ST3GAL4: variants seen among roughly 807,000 people sequenced by gnomAD.
ST3GAL4 encodes the protein CMP-N-acetylneuraminate-beta-galactosamide-alpha-2,3-sialyltransferase 4.
In ST3GAL4, 24 loss-of-function variants were observed where a neutral mutation model predicts 42.6. The observed-to-expected ratio is 0.56, with a 90% confidence interval of 0.41 to 0.79. The LOEUF (loss-of-function observed/expected upper bound fraction) is 0.79, where lower values mean the gene tolerates loss of function less well. ST3GAL4 is among the 30% of genes least tolerant of loss of function. The pLI is 0.00. For missense variants in ST3GAL4, 311 were observed against 430.8 expected (o/e 0.72, Z 2.46); for synonymous variants, 135 against 163.2 (o/e 0.83, Z 1.32).
intron 1 of ST3GAL4, among the ~76,000 whole-genome samples, chr11:126,371,555 C>G (rs552885290): frequency 2.1e-4 from 32 of 152,214 alleles, no homozygotes; most frequent in Non-Finnish European, 4.4e-4. Flanking sequence ...ATTTGCAACA[C>G]TTTAAAAAGT....
intron 1 of ST3GAL4, among the ~76,000 whole-genome samples, chr11:126,371,906 A>G (rs1952666050): frequency 6.6e-6 from 1 of 152,206 alleles, no homozygotes; most frequent in Non-Finnish European, 1.5e-5. Flanking sequence ...GTGAGAAACT[A>G]TATTTGGTTT....
chr11:126,371,163 C>CTTATTTTTTTTTTTTTTTTTTTTTTTT lies in ST3GAL4; in HGVS notation c.-61+15323_-61+15324insATTTTTTTTTTTTTTTTTTTTTTTTTT, dbSNP rs1555082244. ...ATCTATTCTATTCTTCCCCACATTC[C>CTTATTTTTTTTTTTTTTTTTTTTTTTT]TTTTTTTTTTTTTTTTTTTGAGATG... On this transcript the variant is annotated intron_variant, in intron 1 of 10. Transcript: ENST00000444328. Among the ~76,000 whole-genome samples the CTTATTTTTTTTTTTTTTTTTTTTTTTT allele has an allele frequency of 3.3e-4, 20 of 59,966 alleles. 2 individuals carry two copies. The highest frequency in any genetic ancestry group is 4.9e-4 in the Non-Finnish European group (16 of 32,966). The allele number at this position is 59,966 out of a possible 152,430, so 39.3% of individuals were successfully genotyped here.
rs562437344 is a variant in ST3GAL4, at chr11:126,396,602, C to T, written c.-60-9494C>T. ...GCTCTTCGTCACTGTGCGGAGCCTT[C>T]GAAGGACTTGGATGTGCTTGAGACC... On this transcript the variant is annotated intron_variant, in intron 1 of 10. Transcript: ENST00000444328. This position sits in a 1 kb window ranked among gnomAD's most constrained non-coding sequence, Gnocchi z 5.8. Among the ~76,000 whole-genome samples the T allele has an allele frequency of 1.1e-4, 17 of 151,864 alleles. No homozygotes were observed. Among genetic ancestry groups the T allele is most frequent in the Admixed American group, 5.2e-4 (8 of 15,284 alleles).
chr11:126,387,926 G>A (rs1206320434), intron 1 of ST3GAL4, among the ~76,000 whole-genome samples: 1 of 152,208 alleles, frequency 6.6e-6, no homozygotes, highest in Non-Finnish European at 1.5e-5. Flanking sequence ...TGGATACTAT[G>A]TTTTGGAGAT....
intron 1 of ST3GAL4, among the ~76,000 whole-genome samples, chr11:126,372,104 T>C (rs936812889): frequency 6.6e-6 from 1 of 152,222 alleles, no homozygotes; most frequent in African/African-American, 2.4e-5. Flanking sequence ...TTTTTATGTG[T>C]ATAGTTCAGT....
chr11:126,370,565 CTTTTAAG>C (rs773825805), intron 1 of ST3GAL4, among the ~76,000 whole-genome samples: 38 of 152,200 alleles, frequency 2.5e-4, no homozygotes, highest in Non-Finnish European at 4.1e-4. Flanking sequence ...GTTTTTTACT[CTTTTAAG>C]TATGAGCTTG....
Position 126,409,529 on chromosome 11 carries a change from T to C in ST3GAL4, c.771+118T>C. On this transcript the variant is annotated intron_variant, in intron 9 of 10. Coordinates refer to ENST00000444328, the MANE Select transcript of ST3GAL4 (RefSeq NM_001254757.2). The surrounding 1 kb of genome is among the most constrained non-coding windows in gnomAD (Gnocchi z 4.9). ...ATAACAGAGGCGGCGGTTTGCATTT[T>C]CCCTCCAGGAACACACCTGTCATTA... is the stretch of plus-strand genomic sequence containing the variant. 7.2e-7 allele frequency: 1 copy of C among 1,395,316 alleles called. No individual in the cohort carries two copies. The highest frequency in any genetic ancestry group is 1.3e-5 in the South Asian group (1 of 78,224). 86.4% of individuals were successfully genotyped at this position (1,395,316 alleles called of 1,614,324 possible).
intron 1 of ST3GAL4, among the ~76,000 whole-genome samples, chr11:126,390,358 TAATA>T (rs1342114348): frequency 6.7e-6 from 1 of 150,304 alleles, no homozygotes; most frequent in African/African-American, 2.4e-5. Flanking sequence ...CAGCACTGCC[TAATA>T]AATATCCTGG....
At chr11:126,395,164 C>T (rs1187843708) in intron 1 of ST3GAL4, among the ~76,000 whole-genome samples, 1 of 152,186 alleles carries the variant, frequency 6.6e-6, no homozygotes, top group Non-Finnish European at 1.5e-5. Flanking sequence ...CCACTCTGTT[C>T]CACCTGCACT....
In ST3GAL4 at chr11:126,355,873, CGCGGGGCGGG is replaced by C. The variant is rs571031186; in HGVS notation, c.-61+43_-61+52del. The stretch of plus-strand genomic sequence containing the variant: ...TACGCGGCGGCGGTGCGCGGGGGCC[CGCGGGGCGGG>C]GCGGGGCGGGGAGCCGCGGGGTCCT... On this transcript the variant is annotated intron_variant, in intron 1 of 10. Transcript: ENST00000444328. The surrounding 1 kb of genome is among the most constrained non-coding windows in gnomAD (Gnocchi z 7.1). 8.7e-5 allele frequency: 13 copies of C among 148,956 alleles called. No individual in the cohort carries two copies. The highest frequency in any genetic ancestry group is 2.1e-4 in the South Asian group (1 of 4,840). The allele number at this position is 148,956 out of a possible 1,614,324, so 9.2% of individuals were successfully genotyped here.
rs1450582368 is a variant in ST3GAL4, at chr11:126,411,749, C to G, written c.772-1756C>G. On this transcript the variant is annotated intron_variant, in intron 9 of 10. Coordinates refer to ENST00000444328, the MANE Select transcript of ST3GAL4 (RefSeq NM_001254757.2). This position sits in a 1 kb window ranked among gnomAD's most constrained non-coding sequence, Gnocchi z 6.3. ...GGCCACGCTCAGCTCTTGGAGGTGG[C>G]CCACATTTCTTGACCGTACAGCCTC... Among the ~76,000 whole-genome samples, 3 of 152,086 alleles carry G rather than the reference C, an allele frequency of 2.0e-5. No individual in the cohort carries two copies. The highest frequency in any genetic ancestry group is 7.2e-5 in the African/African-American group (3 of 41,408).
At chr11:126,395,722 T>A (rs933604801) in intron 1 of ST3GAL4, among the ~76,000 whole-genome samples, 2 of 152,232 alleles carry the variant, frequency 1.3e-5, no homozygotes, top group South Asian at 4.1e-4. Flanking sequence ...CTTTCTTGCC[T>A]GCTGCCATGT....
chr11:126,383,266 G>A lies in ST3GAL4; in HGVS notation c.-60-22830G>A, dbSNP rs966089532. ...CGAGGAGCCCAGGATTCCCCTTTCC[G>A]TGACTTTGGAGGAACGAGGTTCCTG... On this transcript the variant is annotated intron_variant, in intron 1 of 10. Transcript: ENST00000444328. The surrounding 1 kb of genome is among the most constrained non-coding windows in gnomAD (Gnocchi z 4.5). Among the ~76,000 whole-genome samples the A allele has an allele frequency of 1.7e-4, 26 of 152,302 alleles. No homozygotes were observed. Among genetic ancestry groups the A allele is most frequent in the East Asian group, 1.9e-4 (1 of 5,176 alleles).
chr11:126,407,611 C>T lies in ST3GAL4; in HGVS notation c.318C>T (p.Ser106=), dbSNP rs746304123. 2 of 1,614,172 alleles carry T rather than the reference C, an allele frequency of 1.2e-6. No individual in the cohort carries two copies. Among genetic ancestry groups the T allele is most frequent in the East Asian group, 2.2e-5 (1 of 44,872 alleles). ...TCCGGGTGCTAGCCATCACCAGCTC[C>T]TCCATCCCCAAGAACATCCAGAGGT... The part of the protein sequence containing the change: ...LLLRVLAITS[S]SIPKNIQSLR... The change falls in exon 6 of 11, where the codon TCC becomes TCT. Residue 106 remains serine (S), a synonymous_variant. Coordinates refer to ENST00000444328, the MANE Select transcript of ST3GAL4 (RefSeq NM_001254757.2).
chr11:126,406,704 T>A lies in ST3GAL4; in HGVS notation c.101+147T>A. 1 of 1,189,682 alleles carries A rather than the reference T, an allele frequency of 8.4e-7. No individual in the cohort carries two copies. Among genetic ancestry groups the A allele is most frequent in the Non-Finnish European group, 1.2e-6 (1 of 848,164 alleles). 73.7% of individuals were successfully genotyped at this position (1,189,682 alleles called of 1,614,324 possible). On this transcript the variant is annotated intron_variant, in intron 3 of 10. Transcript: ENST00000444328. This position sits in a 1 kb window ranked among gnomAD's most constrained non-coding sequence, Gnocchi z 5.4. The stretch of plus-strand genomic sequence containing the variant: ...TCCCTTCAGCTGCTGGTACGGAGTG[T>A]TTCCATGAGGGTGGGTGGGGGTAGG...
chr11:126,411,716 A>T lies in ST3GAL4; in HGVS notation c.772-1789A>T, dbSNP rs1434033532. Among the ~76,000 whole-genome samples, 5 of 152,106 alleles carry T rather than the reference A, an allele frequency of 3.3e-5. No individual in the cohort carries two copies. Among genetic ancestry groups the T allele is most frequent in the Non-Finnish European group, 7.3e-5 (5 of 68,038 alleles). Reference sequence around the variant, plus strand: ...CATTTCCTTGCTGGCTGTCAGCTGGAGGCTGGGGGCCACGCTCAGCTCTTG... The same window carrying T: ...CATTTCCTTGCTGGCTGTCAGCTGGTGGCTGGGGGCCACGCTCAGCTCTTG... On this transcript the variant is annotated intron_variant, in intron 9 of 10. Coordinates refer to ENST00000444328, the MANE Select transcript of ST3GAL4 (RefSeq NM_001254757.2). This position sits in a 1 kb window ranked among gnomAD's most constrained non-coding sequence, Gnocchi z 6.3.
At position 126,397,929 on chromosome 11, in the gene ST3GAL4, C is replaced by A. The variant is rs988370384; in HGVS notation, c.-60-8167C>A. On this transcript the variant is annotated intron_variant, in intron 1 of 10. Transcript: ENST00000444328. The surrounding 1 kb of genome is among the most constrained non-coding windows in gnomAD (Gnocchi z 5.0). ...CCTACTCTTATGAGACCCCACCTCA[C>A]AACATTGTTAACATTTAGGATCAAG... 6.7e-6 allele frequency among the ~76,000 whole-genome samples: 1 copy of A among 148,560 alleles called. No homozygotes were observed. The highest frequency in any genetic ancestry group is 1.5e-5 in the Non-Finnish European group (1 of 67,020).
intron 1 of ST3GAL4, among the ~76,000 whole-genome samples, chr11:126,374,073 G>C (rs1269945709): frequency 6.6e-6 from 1 of 152,020 alleles, no homozygotes; most frequent in Non-Finnish European, 1.5e-5. Context: ...AGCAAAACAA[G>C]AGAAACATCT....
chr11:126,410,789 G>T lies in ST3GAL4; in HGVS notation c.771+1378G>T, dbSNP rs1275043034. ...AGAGTAAGAATGCAGGTTGCACTGT[G>T]GGGTGATAAAATTCCACAATGGAGA... On this transcript the variant is annotated intron_variant, in intron 9 of 10. Coordinates refer to ENST00000444328, the MANE Select transcript of ST3GAL4 (RefSeq NM_001254757.2). The surrounding 1 kb of genome is among the most constrained non-coding windows in gnomAD (Gnocchi z 5.3). 1.3e-5 allele frequency among the ~76,000 whole-genome samples: 2 copies of T among 152,124 alleles called. No individual in the cohort carries two copies. The highest frequency in any genetic ancestry group is 3.9e-4 in the East Asian group (2 of 5,186).
Sources: allele counts gnomAD v4.1 joint callset (sites outside exome capture counted in the v4.1 genomes callset), GRCh38; gene constraint gnomAD v4.1.1; non-coding constraint Gnocchi (gnomAD v3.1); transcripts MANE v1.5; gene names NCBI Gene and HGNC (gene_info 2026-07-23, HGNC 2026-07-21).